The following CAMTA1 variants were observed in gnomAD, a reference collection of about 807,000 sequenced individuals.
CAMTA1 encodes calmodulin binding transcription activator 1, also known as calmodulin-binding transcription activator 1.
In CAMTA1, 27 loss-of-function variants were observed where a neutral mutation model predicts 170.9. That is an observed-to-expected ratio of 0.16 (90% CI 0.12 to 0.22). The LOEUF (loss-of-function observed/expected upper bound fraction) is 0.22, where lower values mean the gene tolerates loss of function less well. Ranked by LOEUF, CAMTA1 falls within the 10% of genes least tolerant of loss-of-function variation. The probability of loss-of-function intolerance (pLI) is 1.00; values close to 1 mark genes in which losing one functional copy is unlikely to be tolerated. For synonymous variants in CAMTA1, 833 were observed against 891.5 expected (o/e 0.93, Z 1.17); for missense variants, 1,619 against 2,217.2 (o/e 0.73, Z 5.42).
chr1:7,150,991 C>T (rs770583622), intron 4 of CAMTA1, among the ~76,000 whole-genome samples: 16 of 152,236 alleles, frequency 1.1e-4, no homozygotes, highest in East Asian at 1.9e-4. Context: ...GTTTACAGGG[C>T]GAAAATTAAT....
rs1423043740 is a variant in CAMTA1, at chr1:7,064,901, G to T, written c.235-26403G>T. Among the ~76,000 whole-genome samples, 1 of 152,178 alleles carries T rather than the reference G, an allele frequency of 6.6e-6. No individual in the cohort carries two copies. Among genetic ancestry groups the T allele is most frequent in the African/African-American group, 2.4e-5 (1 of 41,442 alleles). On this transcript the variant is annotated intron_variant, in intron 3 of 22. Coordinates refer to ENST00000303635, the MANE Select transcript of CAMTA1 (RefSeq NM_015215.4). The surrounding 1 kb of genome is among the most constrained non-coding windows in gnomAD (Gnocchi z 5.4). ...ATGGCAGCCACTTAGATGAGGATCT[G>T]GGAGGGGAGAAGAAGAGAAGAGGAC...
At chr1:6,908,266 C>T (rs1166996889) in intron 3 of CAMTA1, among the ~76,000 whole-genome samples, 1 of 152,220 alleles carries the variant, frequency 6.6e-6, no homozygotes, top group Admixed American at 6.5e-5. Context: ...CCGTTACTCC[C>T]CCTCACTCCC....
intron 11 of CAMTA1, among the ~76,000 whole-genome samples, chr1:7,718,249 C>A (rs1047721075): frequency 1.3e-5 from 2 of 152,060 alleles, no homozygotes; most frequent in Non-Finnish European, 2.9e-5. Context: ...TCCGTAAACA[C>A]AGTGGGCGTT....
intron 17 of CAMTA1, among the ~76,000 whole-genome samples, chr1:7,745,324 T>G (rs1218896766): frequency 1.3e-5 from 2 of 151,996 alleles, no homozygotes; most frequent in Admixed American, 6.5e-5. Flanking sequence ...GTCAGGAGTT[T>G]GAGACCAGCC....
intron 5 of CAMTA1, among the ~76,000 whole-genome samples, chr1:7,359,021 C>T (rs1274425462): frequency 6.6e-6 from 1 of 152,148 alleles, no homozygotes; most frequent in Admixed American, 6.5e-5. Flanking sequence ...GAGGTAGGAG[C>T]CTCCCTTCTA....
At chr1:7,395,275 T>C (rs933694134) in intron 5 of CAMTA1, among the ~76,000 whole-genome samples, 2 of 152,232 alleles carry the variant, frequency 1.3e-5, no homozygotes, top group South Asian at 2.1e-4. Flanking sequence ...TCTAATTTCA[T>C]TGTTATGCAT....
intron 5 of CAMTA1, among the ~76,000 whole-genome samples, chr1:7,338,265 C>T (rs2083542577): frequency 6.6e-6 from 1 of 152,022 alleles, no homozygotes; most frequent in Non-Finnish European, 1.5e-5. Flanking sequence ...CACCCCCTTC[C>T]ACAGAAACAA....
intron 3 of CAMTA1, among the ~76,000 whole-genome samples, chr1:6,898,047 G>A (rs1197031095): frequency 1.3e-5 from 2 of 152,158 alleles, no homozygotes; most frequent in African/African-American, 4.8e-5. Context: ...TTTACCCTAC[G>A]AAAGTTGAGA....
intron 3 of CAMTA1, among the ~76,000 whole-genome samples, chr1:7,072,318 G>A (rs1558056338): frequency 6.6e-6 from 1 of 152,174 alleles, no homozygotes; most frequent in Non-Finnish European, 1.5e-5. Flanking sequence ...CAGAGGCAGG[G>A]GAGTATGGAT....
chr1:7,613,985 G>A (rs1358125960), intron 6 of CAMTA1, among the ~76,000 whole-genome samples: 1 of 138,628 alleles, frequency 7.2e-6, no homozygotes, highest in Non-Finnish European at 1.6e-5. Context: ...GGTGGGGAGG[G>A]CAGGCCTGAC....
intron 3 of CAMTA1, among the ~76,000 whole-genome samples, chr1:6,829,164 A>C (rs1263452405): frequency 6.6e-6 from 1 of 152,102 alleles, no homozygotes; most frequent in African/African-American, 2.4e-5. Context: ...CAGCCTCCCA[A>C]GGTGCTGGGA....
intron 5 of CAMTA1, among the ~76,000 whole-genome samples, chr1:7,264,642 A>G (rs1668643627): frequency 6.6e-6 from 1 of 152,230 alleles, no homozygotes; most frequent in African/African-American, 2.4e-5. Flanking sequence ...CAAATAAATA[A>G]TGCAGTTTAT....
At chr1:7,111,911 A>C (rs868207419) in intron 4 of CAMTA1, among the ~76,000 whole-genome samples, 15 of 149,746 alleles carry the variant, frequency 1.0e-4, no homozygotes, top group Admixed American at 4.0e-4. Context: ...AAAAAAAAAA[A>C]ACCGAAGACT....
At chr1:6,808,962 A>G (rs1311931483) in intron 1 of CAMTA1, among the ~76,000 whole-genome samples, 1 of 152,030 alleles carries the variant, frequency 6.6e-6, no homozygotes, top group Non-Finnish European at 1.5e-5. Flanking sequence ...GAGATAGGGA[A>G]GACAAGGCAG....
chr1:7,552,657 T>G (rs1158283906), intron 6 of CAMTA1, among the ~76,000 whole-genome samples: 1 of 152,224 alleles, frequency 6.6e-6, no homozygotes, highest in Non-Finnish European at 1.5e-5. Context: ...CTCATTAAAC[T>G]GAAAGCAGGG....
chr1:7,160,096 A>G (rs1051460713), intron 4 of CAMTA1, among the ~76,000 whole-genome samples: 1 of 152,064 alleles, frequency 6.6e-6, no homozygotes, highest in South Asian at 2.1e-4. Context: ...CTAAAATACA[A>G]AAATTAGCCG....
intron 5 of CAMTA1, among the ~76,000 whole-genome samples, chr1:7,254,124 G>A (rs567676566): frequency 4.9e-4 from 75 of 152,300 alleles, no homozygotes; most frequent in African/African-American, 1.8e-3. Context: ...AGTGACAGAG[G>A]AGGGCTGGGA....
At position 7,570,955 on chromosome 1, in the gene CAMTA1, G is replaced by A. The variant is rs950479624; in HGVS notation, c.511-69445G>A. On this transcript the variant is annotated intron_variant, in intron 6 of 22. Coordinates refer to ENST00000303635, the MANE Select transcript of CAMTA1 (RefSeq NM_015215.4). This position sits in a 1 kb window ranked among gnomAD's most constrained non-coding sequence, Gnocchi z 4.3. ...AGATGGGCAGCCTTTCTGTGTCGCC[G>A]GAGGTTGTGAGGATTAAAGGTGGTG... is the stretch of plus-strand genomic sequence containing the variant. Among the ~76,000 whole-genome samples the A allele has an allele frequency of 2.0e-5, 3 of 152,154 alleles. No individual in the cohort carries two copies. The highest frequency in any genetic ancestry group is 6.5e-5 in the Admixed American group (1 of 15,282).
intron 5 of CAMTA1, among the ~76,000 whole-genome samples, chr1:7,346,670 G>A (rs1315962768): frequency 6.6e-6 from 1 of 152,198 alleles, no homozygotes; most frequent in Non-Finnish European, 1.5e-5. Flanking sequence ...CAGAAGCAGG[G>A]TAGGCTTAAT....
Sources: gnomAD v4.1 joint callset for allele counts (sites outside exome capture counted in the v4.1 genomes callset) on GRCh38, gnomAD v4.1.1 for gene constraint, Gnocchi (gnomAD v3.1) non-coding constraint, MANE v1.5 for transcripts, NCBI Gene and HGNC (gene_info 2026-07-23, HGNC 2026-07-21) for gene names.